PKD2: variants seen among roughly 807,000 people sequenced by gnomAD.
PKD2 encodes polycystin 2, transient receptor potential cation channel.
PKD2 carries 48 observed loss-of-function variants against 105.9 expected under a neutral mutation model. That is an observed-to-expected ratio of 0.45 (90% CI 0.36 to 0.58). The LOEUF (loss-of-function observed/expected upper bound fraction) is 0.58. Ranked by LOEUF, PKD2 falls within the 20% of genes least tolerant of loss-of-function variation. PKD2 has a pLI of 0.00. For missense variants in PKD2, 1,078 were observed against 1,255.3 expected, an observed-to-expected ratio of 0.86 and a Z score of 2.13; for synonymous variants, 464 against 481.1, an observed-to-expected ratio of 0.96 and a Z score of 0.46.
rs1560608538 is a variant in PKD2, at chr4:88,038,282, A to G, written c.875A>G (p.Tyr292Cys). Residue 292 changes from tyrosine (Y) to cysteine (C), a missense_variant, in exon 4 of 15, where the codon TAC (tyrosine) becomes TGC (cysteine). Tyr to Cys is a radical substitution (Grantham distance 194). Transcript: ENST00000237596. ...GAAGGCTCCTTATTGGATGGGCTGT[A>G]CTGGAAGATGCAGCCCAGCAACCAG... is the stretch of plus-strand genomic sequence containing the variant. ...FTEGSLLDGL[Y>C]WKMQPSNQTE... 3 of 1,614,008 alleles carry G rather than the reference A, an allele frequency of 1.9e-6. No homozygotes were observed. Among genetic ancestry groups the G allele is most frequent in the Non-Finnish European group, 2.5e-6 (3 of 1,179,872 alleles).
intron 12 of PKD2, among the ~76,000 whole-genome samples, chr4:88,066,931 G>A (rs1380475910): frequency 6.6e-6 from 1 of 152,172 alleles, no homozygotes; most frequent in Non-Finnish European, 1.5e-5. Flanking sequence ...GTGCTAGTAG[G>A]TGACAGACTT....
At chr4:88,055,969 T>A in intron 7 of PKD2, 117 bp from the exon 8 acceptor site, 1 of 765,722 alleles carries the variant, frequency 1.3e-6, no homozygotes, top group Non-Finnish European at 2.3e-6. Context: ...TCAAGGTTCA[T>A]CCATGTTGTA....
intron 1 of PKD2, among the ~76,000 whole-genome samples, chr4:88,008,711 A>G (rs917018923): frequency 8.5e-5 from 13 of 152,128 alleles, no homozygotes; most frequent in African/African-American, 1.4e-4. Context: ...ATATTTGCCA[A>G]TGTCACAAAA....
At chr4:88,053,262 C>A (rs937828788) in intron 7 of PKD2, among the ~76,000 whole-genome samples, 1 of 152,172 alleles carries the variant, frequency 6.6e-6, no homozygotes, top group Non-Finnish European at 1.5e-5. Context: ...ACATTTCCAT[C>A]ATCACAGAAC....
intron 2 of PKD2, among the ~76,000 whole-genome samples, chr4:88,026,034 A>G (rs1362033664): frequency 6.6e-6 from 1 of 152,204 alleles, no homozygotes; most frequent in African/African-American, 2.4e-5. Context: ...AAATGGTCTA[A>G]TACAGAGACT....
At chr4:88,011,192 C>A (rs1425263619) in intron 1 of PKD2, among the ~76,000 whole-genome samples, 1 of 152,112 alleles carries the variant, frequency 6.6e-6, no homozygotes, top group Non-Finnish European at 1.5e-5. Flanking sequence ...TTAGCAAATT[C>A]TTTTTAGTAC....
chr4:88,065,935 T>C lies in PKD2; in HGVS notation c.2358+56T>C, dbSNP rs1720776531. Reference sequence around the variant, plus strand: ...TTTGGTACCTACAACACCACAGATGTATCAAACACTATAGAAGTAGTGGGT... The same window carrying C: ...TTTGGTACCTACAACACCACAGATGCATCAAACACTATAGAAGTAGTGGGT... On this transcript the variant is annotated intron_variant, in intron 12 of 14. Transcript: ENST00000237596. 3.3e-6 allele frequency: 3 copies of C among 911,758 alleles called. No individual in the cohort carries two copies. In the South Asian group the frequency reaches 3.9e-5, roughly 12 times the overall value. The allele number at this position is 911,758 out of a possible 1,614,324, so 56.5% of individuals were successfully genotyped here.
At chr4:88,009,071 A>G (rs1227937312) in intron 1 of PKD2, among the ~76,000 whole-genome samples, 1 of 152,218 alleles carries the variant, frequency 6.6e-6, no homozygotes. Context: ...CACCAAAATG[A>G]TGAAGTCACC....
chr4:88,068,196 C>T (rs918244295), intron 13 of PKD2, 135 bp downstream of exon 13: 43 of 820,470 alleles, frequency 5.2e-5, no homozygotes, highest in Middle Eastern at 4.9e-4. Flanking sequence ...ACTGGCCAGA[C>T]GCAGTGGCTC....
intron 6 of PKD2, among the ~76,000 whole-genome samples, chr4:88,051,769 A>G (rs963884675): frequency 1.3e-5 from 2 of 152,156 alleles, no homozygotes; most frequent in African/African-American, 2.4e-5. Context: ...TTGAGTTTCT[A>G]TTCCGAACTA....
chr4:88,062,093 A>G (rs1720597868), intron 10 of PKD2, 89 bp downstream of exon 10: 2 of 748,586 alleles, frequency 2.7e-6, no homozygotes, highest in African/African-American at 1.7e-5. Flanking sequence ...ACATTGATCC[A>G]TTGAAATTGT....
chr4:88,075,737 G>GGCT lies in PKD2; in HGVS notation c.*45_*47dup. 1 of 1,421,396 alleles carries GGCT rather than the reference G, an allele frequency of 7.0e-7. No homozygotes were observed. The allele number at this position is 1,421,396 out of a possible 1,614,324, so 88.0% of individuals were successfully genotyped here. On this transcript the variant is annotated 3_prime_UTR_variant, in exon 15 of 15. Transcript: ENST00000237596. ...GTGTGTTTCTAATAAGTGAGGAAGT[G>GGCT]GCTGTCCTGAATTGCTGTAACAAGC...
chr4:88,075,903 GT>G lies in PKD2; in HGVS notation c.*210del. Reference sequence around the variant, plus strand: ...TCTTTTTCTCATATAAGAAATCTAGGTGTAAATATTGAGTACAGAAAAAAAA... The same window carrying G: ...TCTTTTTCTCATATAAGAAATCTAGGGTAAATATTGAGTACAGAAAAAAAA... On this transcript the variant is annotated 3_prime_UTR_variant, in exon 15 of 15. Coordinates refer to ENST00000237596, the MANE Select transcript of PKD2 (RefSeq NM_000297.4). 1 of 573,848 alleles carries G rather than the reference GT, an allele frequency of 1.7e-6. No homozygotes were observed. The highest frequency in any genetic ancestry group is 2.0e-5 in the South Asian group (1 of 49,706). The allele number at this position is 573,848 out of a possible 1,614,324, so 35.5% of individuals were successfully genotyped here. A position where few individuals can be genotyped will look rare whatever the true frequency, so the allele number is the denominator to read the frequency against.
At position 88,024,460 on chromosome 4, in the gene PKD2, A is replaced by G. The variant is rs1006113997; in HGVS notation, c.709+4889A>G. On this transcript the variant is annotated intron_variant, in intron 2 of 14. Transcript: ENST00000237596. Reference sequence around the variant, plus strand: ...CAATAGAGCAACACTCTGTCTCGAAAAAAAAAAAAAAAAAAAAAAAAAGAA... The same window carrying G: ...CAATAGAGCAACACTCTGTCTCGAAGAAAAAAAAAAAAAAAAAAAAAAGAA... Among the ~76,000 whole-genome samples, 23 of 71,714 alleles carry G rather than the reference A, an allele frequency of 3.2e-4. No homozygotes were observed. In the East Asian group the frequency reaches 6.5e-3, roughly 20 times the overall value. The allele number at this position is 71,714 out of a possible 152,430, so 47.0% of individuals were successfully genotyped here. A position where few individuals can be genotyped will look rare whatever the true frequency, so the allele number is the denominator to read the frequency against.
chr4:88,035,730 C>T (rs1383159388), intron 2 of PKD2, among the ~76,000 whole-genome samples: 1 of 152,108 alleles, frequency 6.6e-6, no homozygotes, highest in East Asian at 1.9e-4. Flanking sequence ...CAGAACAGGG[C>T]AGAGAAGAAT....
rs78885971 is a variant in PKD2, at chr4:88,065,339, T to G, written c.2119-35T>G. On this transcript the variant is annotated intron_variant, in intron 10 of 14. Coordinates refer to ENST00000237596, the MANE Select transcript of PKD2 (RefSeq NM_000297.4). ...AAACAGATGCAAAAGGAGAATACAC[T>G]AAACCAAGTCTTTTATTTTTTCTCT... 8 of 1,600,208 alleles carry G rather than the reference T, an allele frequency of 5.0e-6. No homozygotes were observed. In the Admixed American group the frequency reaches 1.0e-4, roughly 20 times the overall value.
rs142833916 is a variant in PKD2 at position 88,047,697 on chromosome 4, G to T, written c.1548+827G>T. Among the ~76,000 whole-genome samples, 1,115 of 152,196 alleles carry T rather than the reference G, an allele frequency of 7.3e-3. 7 individuals carry two copies. The highest frequency in any genetic ancestry group is 0.025 in the African/African-American group (1,055 of 41,516). On this transcript the variant is annotated intron_variant, in intron 6 of 14. Coordinates refer to ENST00000237596, the MANE Select transcript of PKD2 (RefSeq NM_000297.4). ...TATTCATCAAAGTTTTCTGTATGAG[G>T]TATAAGAAATCAAAGGCAGGCCATG... is the stretch of plus-strand genomic sequence containing the variant.
At chr4:88,068,197 G>A (rs1720866986) in intron 13 of PKD2, 136 bp downstream of exon 13, 5 of 820,550 alleles carry the variant, frequency 6.1e-6, no homozygotes, top group Non-Finnish European at 8.2e-6. Context: ...CTGGCCAGAC[G>A]CAGTGGCTCA....
chr4:88,061,408 T>A (rs1485287832), intron 9 of PKD2, among the ~76,000 whole-genome samples: 1 of 152,134 alleles, frequency 6.6e-6, no homozygotes, highest in Non-Finnish European at 1.5e-5. Flanking sequence ...ACGGAGAAAA[T>A]AATCTTCCCA....
Sources: gnomAD v4.1 joint callset for allele counts (sites outside exome capture counted in the v4.1 genomes callset) on GRCh38, gnomAD v4.1.1 for gene constraint, MANE v1.5 for transcripts, NCBI Gene and HGNC (gene_info 2026-07-23, HGNC 2026-07-21) for gene names.